TSPAN15: variants seen among roughly 807,000 people sequenced by gnomAD.
TSPAN15 encodes tetraspanin-15.
Under a neutral mutation model 34.5 loss-of-function variants are expected in TSPAN15, and 20 were observed. The ratio of observed to expected loss-of-function variants is 0.58; its 90% CI spans 0.41 to 0.84. The LOEUF is 0.84. Ranked by LOEUF, TSPAN15 falls within the 40% of genes least tolerant of loss-of-function variation. TSPAN15 has a pLI of 0.00. For missense variants in TSPAN15, 313 were observed against 386.1 expected (o/e 0.81, Z 1.59); for synonymous variants, 155 against 153.9 (o/e 1.01, Z -0.05).
chr10:69,452,797 C>T (rs1394067418), intron 1 of TSPAN15, among the ~76,000 whole-genome samples: 1 of 152,184 alleles, frequency 6.6e-6, no homozygotes, highest in Non-Finnish European at 1.5e-5. Flanking sequence ...AGCAGACTTG[C>T]CCAGGGACCC....
the TSPAN15 span, among the ~76,000 whole-genome samples, chr10:69,530,057 G>A: frequency 1.0e-4 from 15 of 148,020 alleles, 2 homozygotes; most frequent in African/African-American, 3.7e-4. Context: ...TCCATGGTGT[G>A]TGTGTGTTTA....
intron 1 of TSPAN15, among the ~76,000 whole-genome samples, chr10:69,460,245 A>G (rs1841222147): frequency 1.3e-5 from 2 of 151,734 alleles, no homozygotes; most frequent in South Asian, 4.2e-4. Flanking sequence ...CTGGGCTACC[A>G]TGGCACACTG....
chr10:69,539,441 GGAA>G, the TSPAN15 span, among the ~76,000 whole-genome samples: 1,180 of 65,286 alleles, frequency 0.018, 85 homozygotes, highest in African/African-American at 0.065. Context: ...AGAAGAAGAA[GGAA>G]GAAGAAGAAG....
chr10:69,504,321 C>T (rs963485552), intron 5 of TSPAN15, 117 bp from the exon 6 acceptor site: 4 of 890,354 alleles, frequency 4.5e-6, no homozygotes, highest in African/African-American at 3.4e-5. Flanking sequence ...TCAGCTCCAT[C>T]CCTGCTGGAC....
the TSPAN15 span, among the ~76,000 whole-genome samples, chr10:69,528,369 G>A: frequency 2.7e-5 from 4 of 148,654 alleles, 1 homozygote; most frequent in Admixed American, 6.9e-5. Flanking sequence ...GCTCCCTAAA[G>A]GGCAGCAGCT....
At chr10:69,535,550 A>C in the TSPAN15 span, among the ~76,000 whole-genome samples, 1 of 152,216 alleles carries the variant, frequency 6.6e-6, no homozygotes, top group African/African-American at 2.4e-5. Context: ...TATGAACAGT[A>C]CCATGGAGTA....
chr10:69,539,399 A>AGGAAGAAGAGGC, the TSPAN15 span, among the ~76,000 whole-genome samples: 1 of 146,918 alleles, frequency 6.8e-6, no homozygotes, highest in South Asian at 2.2e-4. Context: ...GAAGAGGAAG[A>AGGAAGAAGAGGC]AGAGGAAGAG....
chr10:69,462,165 T>TGTTTTG (rs56076851), intron 1 of TSPAN15, among the ~76,000 whole-genome samples: 1 of 138,186 alleles, frequency 7.2e-6, no homozygotes, highest in African/African-American at 2.7e-5. Flanking sequence ...GTTTTTTTTT[T>TGTTTTG]TTTTTTTTTT....
chr10:69,490,599 T>C (rs924742102), intron 3 of TSPAN15, among the ~76,000 whole-genome samples: 1 of 152,166 alleles, frequency 6.6e-6, no homozygotes. Context: ...TGGGCATCTG[T>C]AATCCCAGCT....
intron 4 of TSPAN15, among the ~76,000 whole-genome samples, chr10:69,497,105 T>C (rs1318017638): frequency 1.3e-5 from 2 of 152,164 alleles, no homozygotes; most frequent in African/African-American, 4.8e-5. Context: ...TTGCCTGAGG[T>C]TGCACAGCAG....
chr10:69,473,667 G>C (rs745448439), intron 1 of TSPAN15, among the ~76,000 whole-genome samples: 7 of 152,156 alleles, frequency 4.6e-5, no homozygotes, highest in Non-Finnish European at 7.3e-5. Flanking sequence ...CTTGCCCAAG[G>C]TCACAAAGAG....
At chr10:69,499,290 G>A (rs977152455) in intron 5 of TSPAN15, among the ~76,000 whole-genome samples, 1 of 152,226 alleles carries the variant, frequency 6.6e-6, no homozygotes, top group East Asian at 1.9e-4. Context: ...GAGCAGCTGC[G>A]GGTGGGGGCC....
intron 1 of TSPAN15, among the ~76,000 whole-genome samples, chr10:69,456,869 G>A (rs1027818625): frequency 1.3e-5 from 2 of 152,200 alleles, no homozygotes; most frequent in African/African-American, 4.8e-5. Flanking sequence ...GGGCCCTCTT[G>A]TTTTCGGCAG....
chr10:69,458,810 C>T (rs10823378), intron 1 of TSPAN15, among the ~76,000 whole-genome samples: 32,462 of 152,128 alleles, frequency 0.21, 3,662 homozygotes, highest in South Asian at 0.28. Flanking sequence ...CGCTCTTAAC[C>T]TAGACTTTGT....
Position 69,506,337 on chromosome 10 carries a change from A to C in TSPAN15, c.735+97A>C. ...AGAGCGAAGAGGCTTTTTTCATAGA[A>C]GTCCAGGACTTGCCTGGGGAGGGCT... On this transcript the variant is annotated intron_variant, in intron 7 of 7. Coordinates refer to ENST00000373290, the MANE Select transcript of TSPAN15 (RefSeq NM_012339.5). The surrounding 1 kb of genome is among the most constrained non-coding windows in gnomAD (Gnocchi z 4.7). 1 of 1,196,984 alleles carries C rather than the reference A, an allele frequency of 8.4e-7. No individual in the cohort carries two copies. The highest frequency in any genetic ancestry group is 1.2e-6 in the Non-Finnish European group (1 of 823,872). 74.1% of individuals were successfully genotyped at this position (1,196,984 alleles called of 1,614,324 possible). A position where few individuals can be genotyped will look rare whatever the true frequency, so the allele number is the denominator to read the frequency against.
intron 5 of TSPAN15, among the ~76,000 whole-genome samples, chr10:69,501,224 T>C (rs1382096140): frequency 6.6e-6 from 1 of 152,116 alleles, no homozygotes; most frequent in Non-Finnish European, 1.5e-5. Context: ...CGGTTGGATA[T>C]AGGAGTCTGG....
chr10:69,471,199 G>A (rs1010921809), intron 1 of TSPAN15, among the ~76,000 whole-genome samples: 5 of 152,176 alleles, frequency 3.3e-5, no homozygotes, highest in Non-Finnish European at 7.3e-5. Flanking sequence ...TGCTCTCGTT[G>A]CACACCCAGT....
intron 6 of TSPAN15, 65 bp downstream of exon 6, chr10:69,504,550 G>T: frequency 6.4e-7 from 1 of 1,564,780 alleles, no homozygotes; most frequent in Non-Finnish European, 8.8e-7. Context: ...GGGGTGATCG[G>T]AGGGGTTTAT....
chr10:69,463,523 T>C (rs936960795), intron 1 of TSPAN15, among the ~76,000 whole-genome samples: 5 of 152,064 alleles, frequency 3.3e-5, no homozygotes, highest in African/African-American at 1.2e-4. Flanking sequence ...AAAAGGTATG[T>C]TCTTGGCCGG....
Sources: gnomAD v4.1 joint callset for allele counts (sites outside exome capture counted in the v4.1 genomes callset) on GRCh38, gnomAD v4.1.1 for gene constraint, Gnocchi (gnomAD v3.1) non-coding constraint, MANE v1.5 for transcripts, NCBI Gene and HGNC (gene_info 2026-07-23, HGNC 2026-07-21) for gene names.